CNTN1: variants seen among roughly 807,000 people sequenced by gnomAD.
CNTN1 encodes the protein contactin 1.
A neutral mutation model predicts 126.4 loss-of-function variants in CNTN1; 38 were observed. The observed-to-expected ratio is 0.30, with a 90% CI of 0.23 to 0.39. CNTN1 has a LOEUF of 0.39. CNTN1 is among the 10% of genes least tolerant of loss of function. The pLI is 1.00. For missense variants in CNTN1, 1,009 were observed against 1,248.4 expected (o/e 0.81, Z 2.89); for synonymous variants, 413 against 422.6 (o/e 0.98, Z 0.28).
At chr12:40,742,691 C>A (rs914461506) in intron 1 of CNTN1, among the ~76,000 whole-genome samples, 17 of 151,942 alleles carry the variant, frequency 1.1e-4, no homozygotes, top group African/African-American at 4.1e-4. Flanking sequence ...CCTTTGACTT[C>A]TATTCCTAGA....
chr12:40,898,530 G>T (rs1428466062), intron 1 of CNTN1, among the ~76,000 whole-genome samples: 3 of 151,910 alleles, frequency 2.0e-5, no homozygotes, highest in Admixed American at 6.6e-5. Flanking sequence ...TAATTGAATT[G>T]AAGTGAATTT....
At chr12:40,892,866 A>G (rs1944288637) in intron 1 of CNTN1, among the ~76,000 whole-genome samples, 1 of 150,960 alleles carries the variant, frequency 6.6e-6, no homozygotes, top group African/African-American at 2.4e-5. Flanking sequence ...AGAGAGATTC[A>G]GTTCAGCACA....
chr12:41,029,663 A>G (rs1949102856), intron 23 of CNTN1, among the ~76,000 whole-genome samples: 1 of 152,298 alleles, frequency 6.6e-6, no homozygotes, highest in South Asian at 2.1e-4. Context: ...ACTATATAAT[A>G]CTAGGCTATT....
intron 1 of CNTN1, among the ~76,000 whole-genome samples, chr12:40,845,646 C>T (rs1380041252): frequency 1.3e-5 from 2 of 152,154 alleles, no homozygotes; most frequent in Non-Finnish European, 2.9e-5. Context: ...TTCATTTCCA[C>T]CCGCCAGCCT....
intron 1 of CNTN1, among the ~76,000 whole-genome samples, chr12:40,786,828 C>G (rs1452691828): frequency 6.6e-6 from 1 of 152,142 alleles, no homozygotes; most frequent in African/African-American, 2.4e-5. Context: ...AAGATTCCAT[C>G]TCTCTGTCAA....
Position 41,029,637 on chromosome 12 carries a change from G to C in CNTN1, c.2980+418G>C, listed in dbSNP as rs145911820. ...TCAAATAAAAAGCACAATTAAAATG[G>C]CATAATTTATTGAATACTATATAAT... On this transcript the variant is annotated intron_variant, in intron 23 of 23. Transcript: ENST00000551295. Among the ~76,000 whole-genome samples, 247 of 151,958 alleles carry C rather than the reference G, an allele frequency of 1.6e-3. 2 individuals are homozygous for C. The highest frequency in any genetic ancestry group is 5.6e-3 in the African/African-American group (232 of 41,450).
Position 41,071,412 on chromosome 12 carries a change from A to C in CNTN1, c.*1377A>C, listed in dbSNP as rs1165947484. ...GAAATAGTGCAGTGTTGGATGCTTC[A>C]AGAGGTATAATCCTATTTTATTAGC... On this transcript the variant is annotated 3_prime_UTR_variant, in exon 24 of 24. Transcript: ENST00000551295. 1 of 152,200 alleles carries C rather than the reference A, an allele frequency of 6.6e-6. No individual in the cohort carries two copies. Among genetic ancestry groups the C allele is most frequent in the African/African-American group, 2.4e-5 (1 of 41,456 alleles). 9.4% of individuals were successfully genotyped at this position (152,200 alleles called of 1,614,324 possible).
chr12:40,727,921 C>T (rs765561810), intron 1 of CNTN1, among the ~76,000 whole-genome samples: 4 of 152,176 alleles, frequency 2.6e-5, no homozygotes, highest in Non-Finnish European at 4.4e-5. Context: ...CCAGTGTAAA[C>T]ACACATCCAA....
intron 1 of CNTN1, among the ~76,000 whole-genome samples, chr12:40,716,120 G>A (rs1324813491): frequency 1.3e-5 from 2 of 151,888 alleles, no homozygotes; most frequent in East Asian, 3.9e-4. Context: ...AAGGAAAGAA[G>A]CTTGAAAAAA....
intron 1 of CNTN1, among the ~76,000 whole-genome samples, chr12:40,733,271 TA>T (rs1343808468): frequency 1.3e-5 from 2 of 151,990 alleles, no homozygotes; most frequent in Admixed American, 1.3e-4. Flanking sequence ...AATAAGGCTA[TA>T]TTTTTTTTGC....
intron 1 of CNTN1, among the ~76,000 whole-genome samples, chr12:40,705,749 C>A (rs531731146): frequency 2.0e-4 from 30 of 152,242 alleles, no homozygotes; most frequent in African/African-American, 7.0e-4. Context: ...AATTGACCCA[C>A]GGTTCTGCAG....
At chr12:40,912,841 A>G (rs1195204172) in intron 3 of CNTN1, among the ~76,000 whole-genome samples, 2 of 152,202 alleles carry the variant, frequency 1.3e-5, no homozygotes, top group Admixed American at 6.5e-5. Flanking sequence ...ATTTTGATCT[A>G]TGGTCCCACA....
intron 3 of CNTN1, among the ~76,000 whole-genome samples, chr12:40,917,292 G>A (rs117077801): frequency 0.017 from 2,620 of 152,054 alleles, 45 homozygotes; most frequent in Non-Finnish European, 0.023. Flanking sequence ...TTTAAAATTA[G>A]CATTTATTCA....
rs575936958 is a variant in CNTN1, at chr12:41,071,825, C to A, written c.*1790C>A. 2.0e-5 allele frequency: 3 copies of A among 152,244 alleles called. No individual in the cohort carries two copies. The highest frequency in any genetic ancestry group is 4.4e-5 in the Non-Finnish European group (3 of 67,982). The allele number at this position is 152,244 out of a possible 1,614,324, so 9.4% of individuals were successfully genotyped here. A position where few individuals can be genotyped will look rare whatever the true frequency, so the allele number is the denominator to read the frequency against. ...ACGAATACCCTGTATACCTTCTGTA[C>A]AAATGTTTGTGTTTTCATTGTTACA... is the stretch of plus-strand genomic sequence containing the variant. On this transcript the variant is annotated 3_prime_UTR_variant, in exon 24 of 24. Coordinates refer to ENST00000551295, the MANE Select transcript of CNTN1 (RefSeq NM_001843.4).
At chr12:40,694,805 A>C (rs759929338) in intron 1 of CNTN1, among the ~76,000 whole-genome samples, 7 of 152,174 alleles carry the variant, frequency 4.6e-5, no homozygotes, top group Non-Finnish European at 1.0e-4. Context: ...AAACTCTGAG[A>C]ATCTGTTTTC....
At chr12:40,869,066 T>C (rs370430400) in intron 1 of CNTN1, among the ~76,000 whole-genome samples, 1 of 151,932 alleles carries the variant, frequency 6.6e-6, no homozygotes, top group East Asian at 1.9e-4. Context: ...TATGATTAAA[T>C]TTCTATTAAT....
At chr12:40,967,880 A>G (rs1172103919) in intron 15 of CNTN1, among the ~76,000 whole-genome samples, 1 of 151,226 alleles carries the variant, frequency 6.6e-6, no homozygotes, top group African/African-American at 2.4e-5. Flanking sequence ...ATGAAAATAA[A>G]GATATATAAT....
At chr12:40,953,495 T>G (rs1033693073) in intron 14 of CNTN1, among the ~76,000 whole-genome samples, 77 of 152,146 alleles carry the variant, frequency 5.1e-4, no homozygotes, top group Non-Finnish European at 2.2e-4. Flanking sequence ...ACAACTATAT[T>G]GGGAATGATA....
chr12:40,750,025 A>G (rs372169307), intron 1 of CNTN1, among the ~76,000 whole-genome samples: 12 of 152,180 alleles, frequency 7.9e-5, no homozygotes, highest in African/African-American at 2.9e-4. Context: ...TGTAGAGGTC[A>G]CTGAGGCTGT....
Sources: gnomAD v4.1 joint callset for allele counts (sites outside exome capture counted in the v4.1 genomes callset) on GRCh38, gnomAD v4.1.1 for gene constraint, MANE v1.5 for transcripts, NCBI Gene and HGNC (gene_info 2026-07-23, HGNC 2026-07-21) for gene names.